Variants in HAUS6 observed in about 807,000 individuals in gnomAD.
HAUS6 encodes the protein HAUS augmin-like complex subunit 6.
Under a neutral mutation model 106.8 loss-of-function variants are expected in HAUS6, and 80 were observed. The observed-to-expected ratio is 0.75, with a 90% CI of 0.63 to 0.90. The LOEUF is 0.90. HAUS6 is among the 40% of genes least tolerant of loss of function. The pLI, the probability that HAUS6 is intolerant of heterozygous loss-of-function variation, is 0.00. For synonymous variants in HAUS6, 356 were observed against 379.1 expected, an observed-to-expected ratio of 0.94 and a Z score of 0.71; for missense variants, 1,155 against 1,118.1, an observed-to-expected ratio of 1.03 and a Z score of -0.47.
intron 5 of HAUS6, among the ~76,000 whole-genome samples, chr9:19,087,458 C>T (rs1336798663): frequency 1.3e-5 from 2 of 152,184 alleles, no homozygotes; most frequent in Admixed American, 6.6e-5. Flanking sequence ...TTATCTAATA[C>T]AGTCAGGCAA....
chr9:19,101,297 G>C (rs1817981975), intron 1 of HAUS6, among the ~76,000 whole-genome samples: 1 of 152,188 alleles, frequency 6.6e-6, no homozygotes, highest in African/African-American at 2.4e-5. Context: ...AAGGCGGGGG[G>C]ATTGCTGGAG....
rs138776502 is a variant in HAUS6 at position 19,063,897 on chromosome 9, A to G, written c.1377-317T>C. Reference sequence around the variant, plus strand: ...TGAACACAGGTTAAAAACAGATTCAATTAACTAGAACTGCATTATTACAAT... The same window carrying G: ...TGAACACAGGTTAAAAACAGATTCAGTTAACTAGAACTGCATTATTACAAT... On this transcript the variant is annotated intron_variant, in intron 12 of 16. Coordinates refer to ENST00000380502, the MANE Select transcript of HAUS6 (RefSeq NM_017645.5). The G allele has an allele frequency of 1.2e-4, 54 of 439,780 alleles. No homozygotes were observed. In the East Asian group the frequency reaches 2.8e-3, roughly 23 times the overall value. 27.2% of individuals were successfully genotyped at this position (439,780 alleles called of 1,614,324 possible).
rs1286840046 is a variant in HAUS6 at position 19,080,638 on chromosome 9, A to C, written c.905T>G (p.Leu302Arg). 1 of 1,609,172 alleles carries C rather than the reference A, an allele frequency of 6.2e-7. No homozygotes were observed. Among genetic ancestry groups the C allele is most frequent in the African/African-American group, 1.3e-5 (1 of 74,784 alleles). Residue 302 changes from leucine to arginine, a missense_variant, in exon 9 of 17, where the codon CTG becomes CGG. Physicochemically the swap from Leu to Arg is moderately radical, Grantham distance 102. This residue lies in a region of HAUS6 where 761 missense variants were observed against 690.0 expected (regional missense o/e 1.10). Transcript: ENST00000380502. ...TAACTGAATAACTGTTAAGAGGTTC[A>C]GTTTTCCAGCCTCATAAACATTTCC... ...HIGNVYEAGK[L>R]NLLTVIQLLN...
chr9:19,074,773 T>C (rs1182656553), intron 11 of HAUS6, among the ~76,000 whole-genome samples: 1 of 152,190 alleles, frequency 6.6e-6, no homozygotes, highest in East Asian at 1.9e-4. Context: ...TATTACCTGC[T>C]CCAGTTTGGC....
At chr9:19,085,950 G>A (rs1253087194) in intron 7 of HAUS6, among the ~76,000 whole-genome samples, 2 of 151,624 alleles carry the variant, frequency 1.3e-5, no homozygotes, top group African/African-American at 4.8e-5. Context: ...GTGTTTTAGA[G>A]GCACTCTATC....
rs187103902 is a variant in HAUS6, at chr9:19,096,997, T to A, written c.129-228A>T. On this transcript the variant is annotated intron_variant, in intron 1 of 16. Coordinates refer to ENST00000380502, the MANE Select transcript of HAUS6 (RefSeq NM_017645.5). ...AGATTCAATATAAGACTGGCAGAACTGGCTTTAATGAAAACACTCTACAGA... is the reference window on the plus strand; with the variant it reads ...AGATTCAATATAAGACTGGCAGAACAGGCTTTAATGAAAACACTCTACAGA... Among the ~76,000 whole-genome samples, 3 of 152,294 alleles carry A rather than the reference T, an allele frequency of 2.0e-5. No individual in the cohort carries two copies. The East Asian group carries it at 5.8e-4, about 29-fold the overall frequency.
intron 4 of HAUS6, among the ~76,000 whole-genome samples, chr9:19,091,973 AT>A (rs35552018): frequency 5.3e-5 from 8 of 151,490 alleles, no homozygotes; most frequent in East Asian, 1.9e-4. Context: ...AAAAATAAAC[AT>A]TTTTTTTTAA....
intron 13 of HAUS6, among the ~76,000 whole-genome samples, 160 bp from the exon 14 acceptor site, chr9:19,063,353 C>T (rs1027798490): frequency 7.2e-6 from 1 of 139,004 alleles, no homozygotes; most frequent in Admixed American, 7.1e-5. Context: ...TCCAATATTC[C>T]CACTTAGCAA....
chr9:19,090,837 G>T (rs1817729245), intron 4 of HAUS6, among the ~76,000 whole-genome samples: 1 of 152,192 alleles, frequency 6.6e-6, no homozygotes, highest in East Asian at 1.9e-4. Context: ...CTAAAAACCA[G>T]AGTAGACCTG....
rs1335177956 is a variant in HAUS6 at position 19,058,800 on chromosome 9, T to C, written c.1967A>G (p.Glu656Gly). 2 of 1,614,252 alleles carry C rather than the reference T, an allele frequency of 1.2e-6. No homozygotes were observed. The highest frequency in any genetic ancestry group is 8.5e-7 in the Non-Finnish European group (1 of 1,180,038). The change falls in exon 16 of 17, where the codon GAG becomes GGG. Residue 656 changes from glutamate (E) to glycine (G), a missense_variant. Physicochemically the swap from Glu to Gly is moderately conservative, Grantham distance 98. Transcript: ENST00000380502. Reference sequence around the variant, plus strand: ...ACACTCGCAATCTGAAATAACTTTCTCTTCAGTCAAATGAGACTGGCCAAA... The same window carrying C: ...ACACTCGCAATCTGAAATAACTTTCCCTTCAGTCAAATGAGACTGGCCAAA... ...SDFGQSHLTE[E>G]KVISDCECVP...
At chr9:19,073,154 G>A (rs1040164698) in intron 11 of HAUS6, among the ~76,000 whole-genome samples, 2 of 151,896 alleles carry the variant, frequency 1.3e-5, no homozygotes, top group African/African-American at 4.8e-5. Flanking sequence ...GAAGAAAGGT[G>A]GATATCCAAG....
intron 2 of HAUS6, 73 bp downstream of exon 2, chr9:19,096,601 T>C (rs1817868703): frequency 3.4e-6 from 2 of 584,086 alleles, no homozygotes; most frequent in Non-Finnish European, 6.0e-6. Flanking sequence ...GAGAGAATTC[T>C]GGCTTGTATC....
intron 4 of HAUS6, among the ~76,000 whole-genome samples, chr9:19,092,180 G>A (rs946722886): frequency 3.3e-5 from 5 of 151,886 alleles, no homozygotes; most frequent in African/African-American, 1.2e-4. Flanking sequence ...GTTGTCGCCG[G>A]GCACGGTGGC....
rs149695443 is a variant in HAUS6, at chr9:19,079,678, G to A, written c.1064+801C>T. Among the ~76,000 whole-genome samples the A allele has an allele frequency of 4.4e-3, 675 of 152,150 alleles. 10 individuals are homozygous for A. The highest frequency in any genetic ancestry group is 0.015 in the African/African-American group (634 of 41,532). Reference sequence around the variant, plus strand: ...AACTGTTCGAAAGGCTGAGGCAGGCGGATCACCTGAGGTCAGGAGTTCAAG... The same window carrying A: ...AACTGTTCGAAAGGCTGAGGCAGGCAGATCACCTGAGGTCAGGAGTTCAAG... On this transcript the variant is annotated intron_variant, in intron 9 of 16. Transcript: ENST00000380502.
intron 9 of HAUS6, among the ~76,000 whole-genome samples, chr9:19,079,050 G>C (rs909650601): frequency 8.7e-5 from 13 of 149,002 alleles, no homozygotes; most frequent in African/African-American, 2.2e-4. Context: ...TGTAATCCCA[G>C]CTACTCAACA....
In HAUS6 at chr9:19,063,435, C is replaced by G. The variant is rs571670305; in HGVS notation, c.1443+79G>C. ...ATGTGAAATTAGAAATTAAATTTAA[C>G]TGTGGTATCAACAAAAATAAATAAT... On this transcript the variant is annotated intron_variant, in intron 13 of 16. Coordinates refer to ENST00000380502, the MANE Select transcript of HAUS6 (RefSeq NM_017645.5). 4 of 732,952 alleles carry G rather than the reference C, an allele frequency of 5.5e-6. No homozygotes were observed. In the African/African-American group the frequency reaches 7.2e-5, roughly 13 times the overall value. The allele number at this position is 732,952 out of a possible 1,614,324, so 45.4% of individuals were successfully genotyped here. A position where few individuals can be genotyped will look rare whatever the true frequency, so the allele number is the denominator to read the frequency against.
In HAUS6 at chr9:19,054,332, G is replaced by C. The variant is rs1313091667; in HGVS notation, c.*2011C>G. On this transcript the variant is annotated 3_prime_UTR_variant, in exon 17 of 17. Coordinates refer to ENST00000380502, the MANE Select transcript of HAUS6 (RefSeq NM_017645.5). ...GAACAATCAATGGAATTTTAGGCAA[G>C]GAAGTGACCCAATCAAAACAGTTCC... 2 of 152,188 alleles carry C rather than the reference G, an allele frequency of 1.3e-5. No homozygotes were observed. Among genetic ancestry groups the C allele is most frequent in the African/African-American group, 4.8e-5 (2 of 41,454 alleles). 9.4% of individuals were successfully genotyped at this position (152,188 alleles called of 1,614,324 possible). A position where few individuals can be genotyped will look rare whatever the true frequency, so the allele number is the denominator to read the frequency against.
chr9:19,059,672 A>G (rs186534927), intron 15 of HAUS6, among the ~76,000 whole-genome samples: 1 of 152,210 alleles, frequency 6.6e-6, no homozygotes, highest in African/African-American at 2.4e-5. Context: ...AGTTTGACTC[A>G]TTTGGGAGGG....
Position 19,102,700 on chromosome 9 carries a change from G to C in HAUS6, c.-49C>G. 2 of 1,579,664 alleles carry C rather than the reference G, an allele frequency of 1.3e-6. No homozygotes were observed. Among genetic ancestry groups the C allele is most frequent in the East Asian group, 2.3e-5 (1 of 43,742 alleles). ...CAAAGAAAGAAAGCGCAAGCCCAGG[G>C]GACTCGGAGGGCCCTCAAGATCCCT... is the stretch of plus-strand genomic sequence containing the variant. On this transcript the variant is annotated 5_prime_UTR_variant, in exon 1 of 17. Transcript: ENST00000380502.
Sources: allele counts gnomAD v4.1 joint callset (sites outside exome capture counted in the v4.1 genomes callset), GRCh38; gene constraint gnomAD v4.1.1; regional missense constraint gnomAD v4.1.1; transcripts MANE v1.5; gene names NCBI Gene and HGNC (gene_info 2026-07-23, HGNC 2026-07-21).